The following TMEM132C variants were observed in gnomAD, a reference collection of about 807,000 sequenced individuals.
The protein encoded by TMEM132C is transmembrane protein 132C.
In TMEM132C, 29 loss-of-function variants were observed where a neutral mutation model predicts 61.4. The observed-to-expected ratio is 0.47, with a 90% confidence interval of 0.35 to 0.64. The LOEUF is 0.64. Among genes scored for constraint, TMEM132C ranks in the 30% least tolerant of loss-of-function variants. TMEM132C has a pLI of 0.00. For synonymous variants in TMEM132C, 656 were observed against 633.1 expected (o/e 1.04, Z -0.54); for missense variants, 1,408 against 1,476.9 (o/e 0.95, Z 0.76).
intron 2 of TMEM132C, among the ~76,000 whole-genome samples, chr12:128,497,486 G>A (rs908443764): frequency 5.3e-5 from 8 of 152,176 alleles, no homozygotes; most frequent in African/African-American, 1.4e-4. Context: ...CACCAAGTTC[G>A]AGCTTCCCGT....
At chr12:128,595,291 A>G (rs1875906717) in intron 3 of TMEM132C, among the ~76,000 whole-genome samples, 1 of 152,180 alleles carries the variant, frequency 6.6e-6, no homozygotes, top group South Asian at 2.1e-4. Context: ...GAGATGAAAG[A>G]GTTTGACATG....
chr12:128,309,003 G>A (rs761275561), intron 1 of TMEM132C, among the ~76,000 whole-genome samples: 11 of 152,110 alleles, frequency 7.2e-5, no homozygotes, highest in Non-Finnish European at 1.6e-4. Flanking sequence ...GGAGTTTTTG[G>A]GGATATTTGG....
At chr12:128,449,447 A>G (rs1870109615) in intron 2 of TMEM132C, among the ~76,000 whole-genome samples, 1 of 152,148 alleles carries the variant, frequency 6.6e-6, no homozygotes, top group African/African-American at 2.4e-5. Flanking sequence ...GTGTTAACCT[A>G]CTCCACTGCT....
In TMEM132C at chr12:128,593,291, C is replaced by G. The variant is rs180891012; in HGVS notation, c.1122-22861C>G. On this transcript the variant is annotated intron_variant, in intron 3 of 8. Transcript: ENST00000435159. ...TCTCTCTTTCTTCTGTCTCCATTTT[C>G]CTTTTCCCTCTCTCTCTCCTCCCTC... Among the ~76,000 whole-genome samples the G allele has an allele frequency of 3.4e-5, 5 of 149,064 alleles. No homozygotes were observed. The East Asian group carries it at 9.9e-4, about 29-fold the overall frequency.
chr12:128,673,033 A>T (rs1411075556), intron 5 of TMEM132C, among the ~76,000 whole-genome samples: 2 of 152,210 alleles, frequency 1.3e-5, no homozygotes, highest in Non-Finnish European at 2.9e-5. Context: ...GCTTATGCAG[A>T]AGAGGCCAGT....
In TMEM132C at chr12:128,267,519, C is replaced by A. The variant is rs1245972399; in HGVS notation, c.85+32C>A. Reference sequence around the variant, plus strand: ...CCGGGGCGGGTGCCTGGCGCGCCGACGCATGCGAACTTCCCGGTTCCGGGG... The same window carrying A: ...CCGGGGCGGGTGCCTGGCGCGCCGAAGCATGCGAACTTCCCGGTTCCGGGG... On this transcript the variant is annotated intron_variant, in intron 1 of 8. Transcript: ENST00000435159. 4 of 1,230,220 alleles carry A rather than the reference C, an allele frequency of 3.3e-6. No homozygotes were observed. In the African/African-American group the frequency reaches 6.3e-5, roughly 19 times the overall value. The allele number at this position is 1,230,220 out of a possible 1,614,324, so 76.2% of individuals were successfully genotyped here.
At chr12:128,366,025 A>T (rs113210001) in intron 1 of TMEM132C, among the ~76,000 whole-genome samples, 3 of 152,210 alleles carry the variant, frequency 2.0e-5, no homozygotes, top group Admixed American at 2.0e-4. Context: ...GATTAAACAC[A>T]TTGCCCGCTT....
chr12:128,513,646 T>C (rs953967003), intron 2 of TMEM132C, among the ~76,000 whole-genome samples: 1 of 152,128 alleles, frequency 6.6e-6, no homozygotes. Context: ...GAGATTTTGC[T>C]CCTTGAGAAG....
chr12:128,436,950 G>A, intron 2 of TMEM132C, among the ~76,000 whole-genome samples: 2 of 152,170 alleles, frequency 1.3e-5, no homozygotes, highest in Non-Finnish European at 2.9e-5. Context: ...TATACACCAT[G>A]GAATACTATG....
chr12:128,283,572 C>T (rs1282115288), intron 1 of TMEM132C, among the ~76,000 whole-genome samples: 1 of 152,066 alleles, frequency 6.6e-6, no homozygotes, highest in Non-Finnish European at 1.5e-5. Flanking sequence ...CTCTACTAAC[C>T]TATCCTAGCT....
rs191504217 is a variant in TMEM132C at position 128,619,820 on chromosome 12, A to G, written c.1305+3485A>G. 2.1e-3 allele frequency among the ~76,000 whole-genome samples: 323 copies of G among 152,342 alleles called. 4 individuals carry two copies. The highest frequency in any genetic ancestry group is 7.0e-3 in the African/African-American group (292 of 41,570). ...ATGTTGGCAGTTCAGTTCTTCTTCA[A>G]TGTAAGAAAAAAGGGTTCATATCCC... On this transcript the variant is annotated intron_variant, in intron 4 of 8. Transcript: ENST00000435159.
chr12:128,589,260 A>AC (rs199871142), intron 3 of TMEM132C, among the ~76,000 whole-genome samples: 6,807 of 152,152 alleles, frequency 0.045, 526 homozygotes, highest in African/African-American at 0.15. Flanking sequence ...TCCACCAGCC[A>AC]CCCCACAGCA....
chr12:128,695,806 G>A (rs1463662865), intron 6 of TMEM132C, 24 bp from the exon 7 acceptor site: 2 of 1,519,470 alleles, frequency 1.3e-6, no homozygotes, highest in Non-Finnish European at 1.8e-6. Flanking sequence ...CTGGATCTGA[G>A]AGCTCTTTGT....
chr12:128,337,158 C>CT (rs980558911), intron 1 of TMEM132C, among the ~76,000 whole-genome samples: 240 of 150,842 alleles, frequency 1.6e-3, no homozygotes, highest in African/African-American at 4.9e-3. Context: ...TTCTTCTTCC[C>CT]TTTTTTTTTC....
chr12:128,694,816 T>G (rs1470206625), intron 6 of TMEM132C, among the ~76,000 whole-genome samples: 1 of 152,236 alleles, frequency 6.6e-6, no homozygotes, highest in Non-Finnish European at 1.5e-5. Flanking sequence ...TTCAGATTAG[T>G]CTGTGGTCAT....
chr12:128,606,501 T>C (rs1876432111), intron 3 of TMEM132C, among the ~76,000 whole-genome samples: 1 of 152,246 alleles, frequency 6.6e-6, no homozygotes, highest in East Asian at 1.9e-4. Context: ...TCAACATTTA[T>C]GCAGTGGGAG....
At chr12:128,436,358 A>G (rs1869589454) in intron 2 of TMEM132C, among the ~76,000 whole-genome samples, 1 of 152,250 alleles carries the variant, frequency 6.6e-6, no homozygotes, top group Non-Finnish European at 1.5e-5. Flanking sequence ...CAGCATGAAC[A>G]GGCAACCTAC....
chr12:128,659,383 C>A (rs909617014), intron 4 of TMEM132C, among the ~76,000 whole-genome samples: 1 of 152,202 alleles, frequency 6.6e-6, no homozygotes, highest in Non-Finnish European at 1.5e-5. Context: ...TTCTGAGAAG[C>A]AGCACATGGT....
At chr12:128,641,401 C>T (rs1954157064) in intron 4 of TMEM132C, among the ~76,000 whole-genome samples, 1 of 152,174 alleles carries the variant, frequency 6.6e-6, no homozygotes, top group South Asian at 2.1e-4. Flanking sequence ...GAAATAGGGT[C>T]TTTGCCGAAG....
Sources: gnomAD v4.1 joint callset for allele counts (sites outside exome capture counted in the v4.1 genomes callset) on GRCh38, gnomAD v4.1.1 for gene constraint, MANE v1.5 for transcripts, NCBI Gene and HGNC (gene_info 2026-07-23, HGNC 2026-07-21) for gene names.